Variants in CDH18 observed in about 807,000 individuals in gnomAD.
The protein encoded by CDH18 is cadherin-18.
A neutral mutation model predicts 67.9 loss-of-function variants in CDH18; 31 were observed. The ratio of observed to expected loss-of-function variants is 0.46; its 90% confidence interval spans 0.34 to 0.62. The LOEUF is 0.62. CDH18 is among the 20% of genes least tolerant of loss of function. The pLI is 0.01. For synonymous variants in CDH18, 362 were observed against 347.2 expected (o/e 1.04, Z -0.48); for missense variants, 890 against 975.5 (o/e 0.91, Z 1.17).
At position 19,473,116 on chromosome 5, in the gene CDH18, C is replaced by T; in HGVS notation, c.*110G>A. 1 of 1,343,600 alleles carries T rather than the reference C, an allele frequency of 7.4e-7. No homozygotes were observed. The highest frequency in any genetic ancestry group is 1.4e-5 in the South Asian group (1 of 69,568). The allele number at this position is 1,343,600 out of a possible 1,614,324, so 83.2% of individuals were successfully genotyped here. On this transcript the variant is annotated 3_prime_UTR_variant, in exon 13 of 13. Coordinates refer to ENST00000382275, the MANE Select transcript of CDH18 (RefSeq NM_004934.5). ...CACTTGTTTCTACAGGAGCTGTGTC[C>T]AGCTTCCTCAGTTCCAAGTACTGTT...
chr5:19,754,690 C>T (rs1771296495), intron 3 of CDH18, among the ~76,000 whole-genome samples: 1 of 151,760 alleles, frequency 6.6e-6, no homozygotes. Flanking sequence ...AACATTCCAT[C>T]CAACGGCTGC....
intron 4 of CDH18, among the ~76,000 whole-genome samples, chr5:19,725,535 C>T (rs934128327): frequency 2.6e-5 from 4 of 152,020 alleles, no homozygotes; most frequent in African/African-American, 7.2e-5. Context: ...TTTGGGAGGC[C>T]GAGGCGGGTG....
At position 19,509,847 on chromosome 5, in the gene CDH18, C is replaced by T. The variant is rs183652355; in HGVS notation, c.1513-6738G>A. Among the ~76,000 whole-genome samples the T allele has an allele frequency of 1.2e-4, 18 of 152,134 alleles. No individual in the cohort carries two copies. The East Asian group carries it at 3.3e-3, about 28-fold the overall frequency. ...GAACTGTCTTCAAATTTCATGCATG[C>T]ATGCCTTTCTTTTTAATATTTTTCT... On this transcript the variant is annotated intron_variant, in intron 10 of 12. Coordinates refer to ENST00000382275, the MANE Select transcript of CDH18 (RefSeq NM_004934.5).
chr5:20,031,984 G>A (rs766150921), intron 2 of CDH18, among the ~76,000 whole-genome samples: 1 of 151,948 alleles, frequency 6.6e-6, no homozygotes, highest in African/African-American at 2.4e-5. Flanking sequence ...CTGGTATTGA[G>A]AGCCAGATTG....
chr5:20,128,180 T>C (rs897808545), intron 2 of CDH18, among the ~76,000 whole-genome samples: 8 of 152,070 alleles, frequency 5.3e-5, no homozygotes, highest in African/African-American at 1.7e-4. Context: ...TATTAATGTT[T>C]GTGAACCTCA....
intron 1 of CDH18, among the ~76,000 whole-genome samples, chr5:20,407,010 A>T (rs1173194862): frequency 6.6e-6 from 1 of 152,142 alleles, no homozygotes; most frequent in African/African-American, 2.4e-5. Flanking sequence ...TGGGTCAAAT[A>T]TTCCAACTTA....
At chr5:19,931,785 A>G (rs893331087) in intron 2 of CDH18, among the ~76,000 whole-genome samples, 1 of 151,844 alleles carries the variant, frequency 6.6e-6, no homozygotes, top group Non-Finnish European at 1.5e-5. Context: ...AGTCCTTTAT[A>G]TATCTCTCTG....
At chr5:20,462,898 A>T (rs1751371127) in intron 1 of CDH18, among the ~76,000 whole-genome samples, 1 of 152,156 alleles carries the variant, frequency 6.6e-6, no homozygotes. Flanking sequence ...TTCTCCCTCA[A>T]ACTCTATTTA....
chr5:19,953,856 TG>T (rs1796020728), intron 2 of CDH18, among the ~76,000 whole-genome samples: 1 of 152,020 alleles, frequency 6.6e-6, no homozygotes, highest in South Asian at 2.1e-4. Flanking sequence ...GTTATCTGTA[TG>T]GGGAGGGGAG....
chr5:19,504,874 T>G (rs1314509952), intron 10 of CDH18, among the ~76,000 whole-genome samples: 2 of 152,114 alleles, frequency 1.3e-5, no homozygotes, highest in Admixed American at 1.3e-4. Context: ...ATATTTCATT[T>G]GAGTTAACTG....
At chr5:19,539,857 G>C (rs1749971656) in intron 9 of CDH18, among the ~76,000 whole-genome samples, 1 of 152,126 alleles carries the variant, frequency 6.6e-6, no homozygotes, top group Admixed American at 6.5e-5. Context: ...TACAATTCAA[G>C]ATGAGATTTG....
chr5:20,144,695 A>C (rs1750505178), intron 2 of CDH18, among the ~76,000 whole-genome samples: 1 of 152,150 alleles, frequency 6.6e-6, no homozygotes, highest in Admixed American at 6.6e-5. Flanking sequence ...TATTGGATTG[A>C]ATTCTGTCCC....
chr5:20,109,984 T>C (rs1172286928), intron 2 of CDH18, among the ~76,000 whole-genome samples: 1 of 152,212 alleles, frequency 6.6e-6, no homozygotes, highest in Non-Finnish European at 1.5e-5. Context: ...GGATACTAGT[T>C]TGGAATTGTC....
chr5:20,539,039 C>T (rs1756902364), intron 1 of CDH18, among the ~76,000 whole-genome samples: 2 of 151,596 alleles, frequency 1.3e-5, no homozygotes, highest in African/African-American at 4.8e-5. Flanking sequence ...CAGGCACCTG[C>T]CACCACGTTC....
intron 2 of CDH18, among the ~76,000 whole-genome samples, chr5:20,133,662 A>G (rs1350633416): frequency 6.6e-6 from 1 of 152,118 alleles, no homozygotes; most frequent in East Asian, 1.9e-4. Flanking sequence ...TCTTACCCGT[A>G]TCATTCTTTA....
intron 5 of CDH18, among the ~76,000 whole-genome samples, chr5:19,631,375 C>G (rs940117464): frequency 4.6e-5 from 7 of 152,082 alleles, no homozygotes; most frequent in Non-Finnish European, 8.8e-5. Flanking sequence ...AGCTGACTCT[C>G]GATTTGTCAA....
chr5:20,141,161 T>C (rs915812234), intron 2 of CDH18, among the ~76,000 whole-genome samples: 2 of 152,168 alleles, frequency 1.3e-5, no homozygotes, highest in Admixed American at 6.6e-5. Context: ...AGTAGTATTA[T>C]ACCTACATTT....
chr5:20,466,704 T>C (rs1001759252), intron 1 of CDH18, among the ~76,000 whole-genome samples: 1 of 152,074 alleles, frequency 6.6e-6, no homozygotes, highest in African/African-American at 2.4e-5. Flanking sequence ...GAGACTCTAA[T>C]CTTAATATAA....
chr5:20,206,566 TATG>T (rs1739908452), intron 2 of CDH18, among the ~76,000 whole-genome samples: 1 of 151,966 alleles, frequency 6.6e-6, no homozygotes, highest in Non-Finnish European at 1.5e-5. Context: ...GGTGAATACA[TATG>T]TCAAAATTCT....
Sources: allele counts gnomAD v4.1 joint callset (sites outside exome capture counted in the v4.1 genomes callset), GRCh38; gene constraint gnomAD v4.1.1; transcripts MANE v1.5; gene names NCBI Gene and HGNC (gene_info 2026-07-23, HGNC 2026-07-21).